CATSPERE: variants seen among roughly 807,000 people sequenced by gnomAD.
CATSPERE encodes the protein catsper channel auxiliary subunit epsilon, also known as cation channel sperm-associated auxiliary subunit epsilon.
A neutral mutation model predicts 114.1 loss-of-function variants in CATSPERE; 93 were observed. The observed-to-expected ratio is 0.81, with a 90% CI of 0.69 to 0.97. The LOEUF (loss-of-function observed/expected upper bound fraction) is 0.97, where lower values mean the gene tolerates loss of function less well. Ranked by LOEUF, CATSPERE falls within the 50% of genes least tolerant of loss-of-function variation. CATSPERE has a pLI of 0.00. For synonymous variants in CATSPERE, 341 were observed against 384.1 expected (o/e 0.89, Z 1.31); for missense variants, 1,058 against 1,131.6 (o/e 0.93, Z 0.93).
intron 7 of CATSPERE, among the ~76,000 whole-genome samples, chr1:244,507,617 G>A (rs369830027): frequency 2.0e-5 from 3 of 152,278 alleles, no homozygotes; most frequent in East Asian, 3.9e-4. Flanking sequence ...ATAGTTTCAT[G>A]TCTTACCTTT....
At chr1:244,624,780 C>T (rs370233231) in intron 20 of CATSPERE, among the ~76,000 whole-genome samples, 40 of 151,032 alleles carry the variant, frequency 2.6e-4, no homozygotes, top group South Asian at 2.1e-4. Flanking sequence ...CCAGCCTGGG[C>T]GACAGAGCGA....
At chr1:244,482,209 G>C (rs1670374628) in intron 5 of CATSPERE, among the ~76,000 whole-genome samples, 1 of 152,198 alleles carries the variant, frequency 6.6e-6, no homozygotes, top group Non-Finnish European at 1.5e-5. Flanking sequence ...GCTCATGCTT[G>C]TAATCTCAAT....
At chr1:244,485,007 A>G (rs954386028) in intron 5 of CATSPERE, among the ~76,000 whole-genome samples, 7 of 150,858 alleles carry the variant, frequency 4.6e-5, no homozygotes, top group Admixed American at 2.6e-4. Context: ...TGTCTTTCAA[A>G]TGGTTTTTCC....
At chr1:244,610,350 A>G (rs769049065) in intron 19 of CATSPERE, 24 bp downstream of exon 19, 3 of 1,540,670 alleles carry the variant, frequency 1.9e-6, no homozygotes, top group Non-Finnish European at 2.7e-6. Context: ...TACCTTCCAG[A>G]TTGTTTATTT....
intron 4 of CATSPERE, among the ~76,000 whole-genome samples, chr1:244,479,143 G>A (rs1006920145): frequency 3.3e-5 from 5 of 151,334 alleles, no homozygotes; most frequent in Non-Finnish European, 7.4e-5. Context: ...GCCCAGGCTG[G>A]AGTGCAATGG....
rs954006369 is a variant in CATSPERE at position 244,552,393 on chromosome 1, T to C, written c.608T>C (p.Phe203Ser). The change falls in exon 9 of 22, where the codon TTT becomes TCT. Residue 203 changes from phenylalanine (F) to serine (S), a missense_variant. Physicochemically the swap from Phe to Ser is radical, Grantham distance 155. Around this residue, in one of 2 missense-constraint regions of CATSPERE, gnomAD observed 787 missense variants for 905.6 expected, o/e 0.87. Coordinates refer to ENST00000366534, the MANE Select transcript of CATSPERE (RefSeq NM_001130957.2). ...LKEIRGNQVT[F>S]QDCFIADFLI... is the part of the protein sequence containing the mutation. ...GAGATTAGAGGAAACCAAGTTACTT[T>C]TCAGGATTGCTTTATTGCAGATTTT... 2 of 1,614,198 alleles carry C rather than the reference T, an allele frequency of 1.2e-6. No individual in the cohort carries two copies. Among genetic ancestry groups the C allele is most frequent in the Non-Finnish European group, 1.7e-6 (2 of 1,180,038 alleles).
chr1:244,630,203 C>T (rs1673749351), intron 20 of CATSPERE, among the ~76,000 whole-genome samples: 1 of 152,192 alleles, frequency 6.6e-6, no homozygotes, highest in African/African-American at 2.4e-5. Context: ...TGTAGTGAAA[C>T]AAGACTTGAG....
chr1:244,612,478 C>A (rs1175560411), intron 19 of CATSPERE, among the ~76,000 whole-genome samples: 1 of 152,088 alleles, frequency 6.6e-6, no homozygotes, highest in Non-Finnish European at 1.5e-5. Context: ...GCAAGCGTGG[C>A]ATTTTCACAG....
chr1:244,597,618 A>G (rs1202268055), intron 17 of CATSPERE, among the ~76,000 whole-genome samples: 1 of 145,812 alleles, frequency 6.9e-6, no homozygotes, highest in Non-Finnish European at 1.5e-5. Flanking sequence ...AATTTCGTAT[A>G]TAGCTCCTCT....
chr1:244,453,429 A>G (rs1572162075), upstream of CATSPERE, among the ~76,000 whole-genome samples: 1 of 152,158 alleles, frequency 6.6e-6, no homozygotes, highest in East Asian at 1.9e-4. Context: ...CTCTTTCTCT[A>G]TTGCCATTTG....
At chr1:244,539,449 C>G (rs1469826851) in intron 8 of CATSPERE, among the ~76,000 whole-genome samples, 1 of 137,024 alleles carries the variant, frequency 7.3e-6, no homozygotes, top group East Asian at 2.2e-4. Context: ...TTGGTTATGT[C>G]TCTGCCCGCC....
intron 7 of CATSPERE, among the ~76,000 whole-genome samples, chr1:244,500,178 A>G (rs191475613): frequency 2.5e-3 from 373 of 152,000 alleles, no homozygotes; most frequent in African/African-American, 8.5e-3. Context: ...TCCTTTGCCC[A>G]CTTTCTGATG....
chr1:244,489,272 C>A (rs1671559797), intron 5 of CATSPERE, among the ~76,000 whole-genome samples: 1 of 152,030 alleles, frequency 6.6e-6, no homozygotes, highest in South Asian at 2.1e-4. Context: ...CCTGTTATTC[C>A]TTTCAGGGCT....
chr1:244,598,333 C>A (rs1668716133), intron 17 of CATSPERE: 1 of 152,886 alleles, frequency 6.5e-6, no homozygotes, highest in African/African-American at 2.4e-5. Flanking sequence ...TCATACATGA[C>A]CTGAACCCTG....
At chr1:244,555,703 AT>A (rs1234898767) in intron 9 of CATSPERE, among the ~76,000 whole-genome samples, 1 of 152,198 alleles carries the variant, frequency 6.6e-6, no homozygotes, top group Non-Finnish European at 1.5e-5. Flanking sequence ...TCCACAAAAA[AT>A]TTCTTGGAAA....
chr1:244,534,604 TTG>T (rs752899570), intron 8 of CATSPERE, among the ~76,000 whole-genome samples: 2 of 135,850 alleles, frequency 1.5e-5, no homozygotes, highest in Middle Eastern at 3.7e-3. Flanking sequence ...ACTCCAGAAT[TTG>T]TTTCTTTTTA....
At chr1:244,535,082 C>T (rs1234406402) in intron 8 of CATSPERE, among the ~76,000 whole-genome samples, 1 of 152,194 alleles carries the variant, frequency 6.6e-6, no homozygotes, top group Admixed American at 6.5e-5. Flanking sequence ...CACTCTTGTT[C>T]TCTTCTCTTA....
rs79537602 is a variant in CATSPERE at position 244,616,595 on chromosome 1, G to A, written c.2491-934G>A. On this transcript the variant is annotated intron_variant, in intron 19 of 21. Transcript: ENST00000366534. ...AGAGAGAGGGTGAGGGCGAGTGAGAGGGCAGGCGAGGGAGGCTGAACTCAT... is the reference window on the plus strand; with the variant it reads ...AGAGAGAGGGTGAGGGCGAGTGAGAAGGCAGGCGAGGGAGGCTGAACTCAT... 7.4e-3 allele frequency among the ~76,000 whole-genome samples: 1,120 copies of A among 152,278 alleles called. 22 individuals carry two copies. Among genetic ancestry groups the A allele is most frequent in the African/African-American group, 0.026 (1,066 of 41,542 alleles).
At chr1:244,456,114 T>C (rs1666141208) in intron 1 of CATSPERE, among the ~76,000 whole-genome samples, 1 of 113,462 alleles carries the variant, frequency 8.8e-6, no homozygotes, top group African/African-American at 3.4e-5. Flanking sequence ...GAGAATCCCA[T>C]GGGGGATGGT....
Sources: gnomAD v4.1 joint callset for allele counts (sites outside exome capture counted in the v4.1 genomes callset) on GRCh38, gnomAD v4.1.1 for gene constraint, gnomAD v4.1.1 regional missense constraint, MANE v1.5 for transcripts, NCBI Gene and HGNC (gene_info 2026-07-23, HGNC 2026-07-21) for gene names.